Variants in ROBO2 observed in about 807,000 individuals in gnomAD.
The protein encoded by ROBO2 is roundabout homolog 2.
ROBO2 carries 53 observed loss-of-function variants against 160.8 expected under a neutral mutation model. The observed-to-expected ratio is 0.33, with a 90% CI of 0.26 to 0.41. ROBO2 has a LOEUF of 0.41. ROBO2 is among the 10% of genes least tolerant of loss of function. The probability of loss-of-function intolerance (pLI) is 1.00; values close to 1 mark genes in which losing one functional copy is unlikely to be tolerated. For synonymous variants in ROBO2, 664 were observed against 611.7 expected (o/e 1.09, Z -1.26); for missense variants, 1,577 against 1,722.4 (o/e 0.92, Z 1.49).
At chr3:76,106,749 A>G (rs1036319461) in intron 2 of ROBO2, among the ~76,000 whole-genome samples, 2 of 152,150 alleles carry the variant, frequency 1.3e-5, no homozygotes, top group Non-Finnish European at 2.9e-5. Flanking sequence ...GGACAATAAT[A>G]CAGTTATTAA....
chr3:77,130,430 G>T (rs1356725966), intron 2 of ROBO2, among the ~76,000 whole-genome samples: 2 of 78,292 alleles, frequency 2.6e-5, no homozygotes, highest in Non-Finnish European at 5.1e-5. Flanking sequence ...TAAACAGCAA[G>T]TAATAAGTAA....
At chr3:77,179,099 A>C (rs921192729) in intron 2 of ROBO2, among the ~76,000 whole-genome samples, 1 of 152,046 alleles carries the variant, frequency 6.6e-6, no homozygotes, top group African/African-American at 2.4e-5. Flanking sequence ...TATTGCTTAG[A>C]AACACTGAAA....
At chr3:76,060,151 A>G (rs951651957) in intron 2 of ROBO2, among the ~76,000 whole-genome samples, 1 of 152,110 alleles carries the variant, frequency 6.6e-6, no homozygotes, top group East Asian at 1.9e-4. Flanking sequence ...TTTGATTATC[A>G]TCACTGACCA....
chr3:76,347,251 G>A (rs1470928011), intron 2 of ROBO2, among the ~76,000 whole-genome samples: 1 of 151,954 alleles, frequency 6.6e-6, no homozygotes, highest in Non-Finnish European at 1.5e-5. Context: ...TTTGACCTGA[G>A]GATTTATTAG....
chr3:76,947,951 C>T (rs760843609), intron 2 of ROBO2, among the ~76,000 whole-genome samples: 2 of 152,234 alleles, frequency 1.3e-5, no homozygotes, highest in African/African-American at 2.4e-5. Flanking sequence ...TTTCTGTGCT[C>T]GCCATTACTT....
At chr3:77,588,661 A>G in intron 16 of ROBO2, 90 bp from the exon 18 acceptor site, 4 of 1,235,852 alleles carry the variant, frequency 3.2e-6, no homozygotes, top group Non-Finnish European at 4.6e-6. Flanking sequence ...CTGCCTTCAA[A>G]TAATTTTTCT....
chr3:76,169,628 A>G (rs946672366), intron 2 of ROBO2, among the ~76,000 whole-genome samples: 7 of 152,184 alleles, frequency 4.6e-5, no homozygotes, highest in Non-Finnish European at 1.0e-4. Flanking sequence ...ACTTTATTGC[A>G]TTACAGGTGG....
intron 16 of ROBO2, among the ~76,000 whole-genome samples, chr3:77,587,092 G>T (rs562575138): frequency 6.6e-6 from 1 of 151,998 alleles, no homozygotes; most frequent in Admixed American, 6.6e-5. Context: ...GACCAATATG[G>T]GTCAGCAGAA....
chr3:77,267,640 G>A (rs2059217468), intron 2 of ROBO2, among the ~76,000 whole-genome samples: 1 of 152,186 alleles, frequency 6.6e-6, no homozygotes, highest in African/African-American at 2.4e-5. Context: ...CAGTTTATTT[G>A]TAGTGGGACT....
At chr3:76,166,105 T>TG in intron 2 of ROBO2, among the ~76,000 whole-genome samples, 1 of 151,914 alleles carries the variant, frequency 6.6e-6, no homozygotes. Context: ...CACATACTAT[T>TG]GAAAAAAAAT....
chr3:75,961,759 A>G (rs1431870199), intron 2 of ROBO2, among the ~76,000 whole-genome samples: 1 of 151,682 alleles, frequency 6.6e-6, no homozygotes, highest in Middle Eastern at 3.2e-3. Flanking sequence ...GTATTAAAAT[A>G]TTGAGAAAGA....
At chr3:77,345,785 T>C (rs2067568384) in intron 2 of ROBO2, among the ~76,000 whole-genome samples, 1 of 152,084 alleles carries the variant, frequency 6.6e-6, no homozygotes, top group African/African-American at 2.4e-5. Flanking sequence ...GTATAATGAG[T>C]GGTGATTATT....
intron 1 of ROBO2, 138 bp downstream of exon 1, chr3:77,040,984 C>T (rs1435812460): frequency 9.3e-7 from 1 of 1,078,774 alleles, no homozygotes; most frequent in Admixed American, 2.1e-5. Flanking sequence ...GCACGGGCTC[C>T]TTGGGGGCAG....
intron 2 of ROBO2, among the ~76,000 whole-genome samples, chr3:76,904,003 A>G (rs1169189364): frequency 2.6e-5 from 4 of 152,114 alleles, no homozygotes; most frequent in African/African-American, 9.7e-5. Context: ...CCACTATTTC[A>G]CTTCTAACAG....
intron 2 of ROBO2, among the ~76,000 whole-genome samples, chr3:76,009,942 T>G (rs2066145568): frequency 2.0e-5 from 3 of 152,264 alleles, no homozygotes; most frequent in Admixed American, 2.0e-4. Context: ...TTTTGCTATT[T>G]TTTTTTCTAA....
Position 77,317,503 on chromosome 3 carries a change from C to T in ROBO2, c.389-159911C>T, listed in dbSNP as rs1581008066. 8 of 1,468,844 alleles carry T rather than the reference C, an allele frequency of 5.4e-6. No individual in the cohort carries two copies. The East Asian group carries it at 1.4e-4, about 26-fold the overall frequency. The allele number at this position is 1,468,844 out of a possible 1,614,324, so 91.0% of individuals were successfully genotyped here. A position where few individuals can be genotyped will look rare whatever the true frequency, so the allele number is the denominator to read the frequency against. ...GAGCTTGTAAACTCCGATCCATCCT[C>T]AGATTTCGTTTTCAAATCAAGCTTT... On this transcript the variant is annotated intron_variant, in intron 2 of 25. Transcript: ENST00000461745.
intron 2 of ROBO2, among the ~76,000 whole-genome samples, chr3:77,135,856 TAAAC>T (rs897399570): frequency 1.8e-4 from 27 of 152,278 alleles, no homozygotes; most frequent in African/African-American, 5.3e-4. Context: ...TTAACATCAG[TAAAC>T]AAACAAACAA....
intron 2 of ROBO2, among the ~76,000 whole-genome samples, chr3:76,580,317 GTTTTTTTTTTGTTTTTTTTTTTGTGT>G (rs1200924844): frequency 1.9e-3 from 72 of 38,868 alleles, no homozygotes; most frequent in Non-Finnish European, 2.9e-3. Flanking sequence ...CCCAACCCCT[GTTTTTTTTTTGTTTTTTTTTTTGTGT>G]TTTTTTTTTT....
intron 1 of ROBO2, among the ~76,000 whole-genome samples, chr3:77,054,924 G>A (rs547851791): frequency 6.6e-5 from 4 of 60,510 alleles, no homozygotes; most frequent in Non-Finnish European, 1.1e-4. Flanking sequence ...AAAATCTCGC[G>A]TGTATGTGTG....
Sources: gnomAD v4.1 joint callset for allele counts (sites outside exome capture counted in the v4.1 genomes callset) on GRCh38, gnomAD v4.1.1 for gene constraint, MANE v1.5 for transcripts, NCBI Gene and HGNC (gene_info 2026-07-23, HGNC 2026-07-21) for gene names.